The following IL15 variants were observed in gnomAD, a reference collection of about 807,000 sequenced individuals.
IL15 encodes interleukin-15.
A neutral mutation model predicts 19.6 loss-of-function variants in IL15; 11 were observed. That is an observed-to-expected ratio of 0.56 (90% CI 0.35 to 0.93). The LOEUF is 0.93. Among genes scored for constraint, IL15 ranks in the 40% least tolerant of loss-of-function variants. The probability of loss-of-function intolerance (pLI) is 0.01; values close to 1 mark genes in which losing one functional copy is unlikely to be tolerated. For synonymous variants in IL15, 58 were observed against 59.6 expected (o/e 0.97, Z 0.12); for missense variants, 197 against 186.5 (o/e 1.06, Z -0.33).
chr4:141,666,199 G>C lies in IL15; in HGVS notation c.-100+9892G>C, dbSNP rs576294354. Among the ~76,000 whole-genome samples the C allele has an allele frequency of 1.2e-3, 180 of 151,944 alleles. 1 individual carries two copies. Among genetic ancestry groups the C allele is most frequent in the African/African-American group, 4.1e-3 (170 of 41,448 alleles). The stretch of plus-strand genomic sequence containing the variant: ...CACTGCAAGCTCCGCCTCCCGGGTT[G>C]ACGCCATTCTCCTGCCTCAGCCTCC... On this transcript the variant is annotated intron_variant, in intron 2 of 7. Transcript: ENST00000320650.
intron 2 of IL15, 103 bp from the exon 3 acceptor site, chr4:141,719,263 T>C (rs1244333876): frequency 8.5e-6 from 4 of 468,318 alleles, no homozygotes; most frequent in Non-Finnish European, 1.5e-5. Context: ...AAGTAACTAA[T>C]AGAGTGCTTA....
At chr4:141,666,191 C>T (rs961191743) in intron 2 of IL15, among the ~76,000 whole-genome samples, 3 of 152,010 alleles carry the variant, frequency 2.0e-5, no homozygotes, top group African/African-American at 7.2e-5. Flanking sequence ...AGCTCCGCCT[C>T]CCGGGTTGAC....
chr4:141,652,812 C>T (rs1273021118), intron 1 of IL15, among the ~76,000 whole-genome samples: 1 of 152,038 alleles, frequency 6.6e-6, no homozygotes, highest in African/African-American at 2.4e-5. Context: ...AAGTGTTATT[C>T]CTGAGGATTA....
intron 2 of IL15, among the ~76,000 whole-genome samples, chr4:141,666,428 C>T (rs1727988943): frequency 6.6e-6 from 1 of 152,178 alleles, no homozygotes; most frequent in Non-Finnish European, 1.5e-5. Flanking sequence ...CAATCTTGGC[C>T]CAGTGCAGCC....
chr4:141,639,838 A>G (rs1726984967), intron 1 of IL15, among the ~76,000 whole-genome samples: 1 of 152,192 alleles, frequency 6.6e-6, no homozygotes. Context: ...AATGGGTTGG[A>G]TGGAAAAATT....
intron 2 of IL15, among the ~76,000 whole-genome samples, chr4:141,685,942 C>T (rs1728695550): frequency 6.6e-6 from 1 of 152,096 alleles, no homozygotes; most frequent in Non-Finnish European, 1.5e-5. Context: ...TTTGTAGGGG[C>T]AGGAACTCTC....
intron 2 of IL15, among the ~76,000 whole-genome samples, chr4:141,675,223 A>G (rs552891454): frequency 5.3e-5 from 8 of 152,202 alleles, no homozygotes; most frequent in Non-Finnish European, 8.8e-5. Flanking sequence ...GTGTGACACT[A>G]TTCTGGAGAT....
At chr4:141,669,948 A>G (rs1010147098) in intron 2 of IL15, among the ~76,000 whole-genome samples, 6 of 151,940 alleles carry the variant, frequency 3.9e-5, no homozygotes, top group Non-Finnish European at 7.4e-5. Flanking sequence ...TTGAGTAAGC[A>G]TAGATGTACA....
At chr4:141,695,242 A>G (rs1404553140) in intron 2 of IL15, among the ~76,000 whole-genome samples, 4 of 124,350 alleles carry the variant, frequency 3.2e-5, no homozygotes, top group African/African-American at 1.3e-4. Context: ...TCTTCTCCCT[A>G]GTCTCTCTTC....
At chr4:141,687,745 TCTC>T in intron 2 of IL15, among the ~76,000 whole-genome samples, 1 of 152,338 alleles carries the variant, frequency 6.6e-6, no homozygotes, top group African/African-American at 2.4e-5. Flanking sequence ...TAATTGTGTT[TCTC>T]CTCTTTATTC....
At chr4:141,709,406 C>G (rs1475556471) in intron 2 of IL15, among the ~76,000 whole-genome samples, 1 of 152,070 alleles carries the variant, frequency 6.6e-6, no homozygotes, top group East Asian at 1.9e-4. Flanking sequence ...AAAATTTGCC[C>G]TAGGCATTGG....
chr4:141,694,860 C>T (rs550427236), intron 2 of IL15, among the ~76,000 whole-genome samples: 26 of 152,304 alleles, frequency 1.7e-4, no homozygotes, highest in African/African-American at 5.8e-4. Flanking sequence ...CAGCCCTGCT[C>T]TTTTGGTATC....
intron 2 of IL15, among the ~76,000 whole-genome samples, chr4:141,662,062 G>T (rs562015098): frequency 6.6e-6 from 1 of 152,304 alleles, no homozygotes; most frequent in African/African-American, 2.4e-5. Context: ...TTCTTTCAGA[G>T]AATAAAACAT....
Position 141,649,923 on chromosome 4 carries a change from A to T in IL15, c.-221-6263A>T, listed in dbSNP as rs571733125. Among the ~76,000 whole-genome samples, 12 of 152,250 alleles carry T rather than the reference A, an allele frequency of 7.9e-5. No homozygotes were observed. In the South Asian group the frequency reaches 2.1e-3, roughly 26 times the overall value. On this transcript the variant is annotated intron_variant, in intron 1 of 7. Transcript: ENST00000320650. ...ATGAAAAATCTATAGTAAACAACAA[A>T]TTTAATACAGGGCTCAGAAAAACAT...
chr4:141,673,977 T>C (rs1728260334), intron 2 of IL15, among the ~76,000 whole-genome samples: 1 of 152,240 alleles, frequency 6.6e-6, no homozygotes, highest in Admixed American at 6.5e-5. Context: ...TTTGATCTTT[T>C]TTGTCTGGGT....
Position 141,732,965 on chromosome 4 carries a change from A to G in IL15, c.*117A>G, listed in dbSNP as rs1730501761. 2 of 1,442,540 alleles carry G rather than the reference A, an allele frequency of 1.4e-6. No homozygotes were observed. Among genetic ancestry groups the G allele is most frequent in the African/African-American group, 2.9e-5 (2 of 69,054 alleles). The allele number at this position is 1,442,540 out of a possible 1,614,324, so 89.4% of individuals were successfully genotyped here. A position where few individuals can be genotyped will look rare whatever the true frequency, so the allele number is the denominator to read the frequency against. On this transcript the variant is annotated 3_prime_UTR_variant, in exon 8 of 8. Coordinates refer to ENST00000320650, the MANE Select transcript of IL15 (RefSeq NM_000585.5). ...TGTCAAAACAAGTTTTTCTGTCAAG[A>G]AGATGATCAGACCTTGGATCAGATG... is the stretch of plus-strand genomic sequence containing the variant.
intron 2 of IL15, among the ~76,000 whole-genome samples, chr4:141,709,665 C>A (rs1729648608): frequency 1.3e-5 from 2 of 151,934 alleles, no homozygotes; most frequent in South Asian, 4.1e-4. Flanking sequence ...TATTTGATAA[C>A]TTATTTTTCA....
At chr4:141,656,554 G>T (rs1727604759) in intron 2 of IL15, among the ~76,000 whole-genome samples, 1 of 152,124 alleles carries the variant, frequency 6.6e-6, no homozygotes, top group Non-Finnish European at 1.5e-5. Flanking sequence ...TAGGCTTTGA[G>T]AGTCAAATGC....
chr4:141,659,003 G>A (rs1044611889), intron 2 of IL15, among the ~76,000 whole-genome samples: 5 of 151,898 alleles, frequency 3.3e-5, no homozygotes, highest in Non-Finnish European at 7.4e-5. Context: ...GGGACTACAG[G>A]CGCCTGCCAC....
Sources: allele counts gnomAD v4.1 joint callset (sites outside exome capture counted in the v4.1 genomes callset), GRCh38; gene constraint gnomAD v4.1.1; transcripts MANE v1.5; gene names NCBI Gene and HGNC (gene_info 2026-07-23, HGNC 2026-07-21).